AFF1: variants seen among roughly 807,000 people sequenced by gnomAD.
AFF1 encodes ALF transcription elongation factor 1.
A neutral mutation model predicts 121.7 loss-of-function variants in AFF1; 48 were observed. That is an observed-to-expected ratio of 0.39 (90% confidence interval 0.31 to 0.50). The LOEUF (loss-of-function observed/expected upper bound fraction) is 0.50, where lower values mean the gene tolerates loss of function less well. Ranked by LOEUF, AFF1 falls within the 20% of genes least tolerant of loss-of-function variation. The probability of loss-of-function intolerance (pLI) is 0.76; values close to 1 mark genes in which losing one functional copy is unlikely to be tolerated. For missense variants in AFF1, 1,523 were observed against 1,511.7 expected (o/e 1.01, Z -0.12); for synonymous variants, 613 against 563.0 (o/e 1.09, Z -1.26).
chr4:86,953,753 C>T, intron 2 of AFF1, among the ~76,000 whole-genome samples: 1 of 151,156 alleles, frequency 6.6e-6, no homozygotes, highest in Non-Finnish European at 1.5e-5. Flanking sequence ...GAGTTTTGCT[C>T]TTGTCGCCCA....
intron 2 of AFF1, among the ~76,000 whole-genome samples, chr4:86,964,442 T>TTC (rs1211577950): frequency 6.7e-6 from 1 of 149,140 alleles, no homozygotes; most frequent in Admixed American, 6.7e-5. Context: ...CATCTTTTTT[T>TTC]TTTTTTTTTT....
At chr4:87,133,104 G>A (rs557901863) in intron 19 of AFF1, among the ~76,000 whole-genome samples, 10 of 152,284 alleles carry the variant, frequency 6.6e-5, no homozygotes, top group Admixed American at 4.6e-4. Context: ...ATAGCTTCTT[G>A]GCATTTCAGT....
At chr4:86,989,347 C>A (rs1293291569) in intron 2 of AFF1, among the ~76,000 whole-genome samples, 1 of 152,156 alleles carries the variant, frequency 6.6e-6, no homozygotes, top group Non-Finnish European at 1.5e-5. Context: ...AAACAAACAA[C>A]ACCATCCAAA....
At chr4:87,007,715 T>C (rs1187425133) in intron 2 of AFF1, among the ~76,000 whole-genome samples, 2 of 152,206 alleles carry the variant, frequency 1.3e-5, no homozygotes, top group Admixed American at 6.5e-5. Flanking sequence ...TAAGTTGATT[T>C]CACTTGTCCG....
At chr4:86,972,516 G>A (rs997433527) in intron 2 of AFF1, among the ~76,000 whole-genome samples, 4 of 152,044 alleles carry the variant, frequency 2.6e-5, no homozygotes, top group African/African-American at 9.7e-5. Context: ...AGACAGTTTT[G>A]GGTTATAAAT....
At chr4:86,942,215 G>GT (rs1420928506) in intron 1 of AFF1, among the ~76,000 whole-genome samples, 2 of 152,050 alleles carry the variant, frequency 1.3e-5, no homozygotes, top group African/African-American at 4.8e-5. Context: ...AGAAACTTTT[G>GT]TAAGGGTCCA....
chr4:87,029,278 G>A (rs577185142), intron 2 of AFF1, among the ~76,000 whole-genome samples: 7 of 152,234 alleles, frequency 4.6e-5, no homozygotes, highest in African/African-American at 1.7e-4. Context: ...GTGCAGGTGG[G>A]GCATAGAGGT....
intron 2 of AFF1, among the ~76,000 whole-genome samples, chr4:86,997,396 A>G (rs151188351): frequency 2.3e-4 from 35 of 152,334 alleles, no homozygotes; most frequent in African/African-American, 7.7e-4. Context: ...TTTAAAATAA[A>G]TTACCCAGTT....
chr4:87,120,626 A>G (rs994075567), intron 12 of AFF1, among the ~76,000 whole-genome samples: 1 of 152,236 alleles, frequency 6.6e-6, no homozygotes, highest in Non-Finnish European at 1.5e-5. Flanking sequence ...AGGTCGGCGT[A>G]CTGGCTCTGG....
intron 4 of AFF1, among the ~76,000 whole-genome samples, chr4:87,063,226 C>CTTTTTTTTTTTTTTTTTT (rs1190843290): frequency 2.0e-5 from 1 of 49,884 alleles, no homozygotes; most frequent in Admixed American, 2.2e-4. Flanking sequence ...GTAGATTCAC[C>CTTTTTTTTTTTTTTTTTT]TCTTTTTTTT....
At chr4:87,030,651 CTT>C (rs36017297) in intron 2 of AFF1, among the ~76,000 whole-genome samples, 24 of 148,878 alleles carry the variant, frequency 1.6e-4, no homozygotes, top group South Asian at 2.1e-4. Context: ...TTACACTGAG[CTT>C]TTTTTTTTTT....
At chr4:87,066,588 CAAAACAAAAACA>C (rs151284940) in intron 4 of AFF1, among the ~76,000 whole-genome samples, 26,543 of 151,788 alleles carry the variant, frequency 0.17, 2,911 homozygotes, top group East Asian at 0.39. Flanking sequence ...GACCCTGTCT[CAAAACAAAAACA>C]AAAACAAAAA....
At chr4:87,046,325 C>T in intron 3 of AFF1, 39 bp downstream of exon 3, 1 of 1,601,990 alleles carries the variant, frequency 6.2e-7, no homozygotes, top group Non-Finnish European at 8.5e-7. Flanking sequence ...CCTGATTTAT[C>T]ACAATGTTGA....
rs34072831 is a variant in AFF1, at chr4:87,001,207, C to CTTTTTTT, written c.39-44938_39-44932dup. On this transcript the variant is annotated intron_variant, in intron 2 of 20. Transcript: ENST00000395146. ...TGAGAGGACTGCTTTCCTTTTTCTA[C>CTTTTTTT]TTTTTTTTTTTTTTTTTTTTTTTTT... is the stretch of plus-strand genomic sequence containing the variant. 7.0e-3 allele frequency among the ~76,000 whole-genome samples: 422 copies of CTTTTTTT among 60,312 alleles called. 113 individuals carry two copies. The highest frequency in any genetic ancestry group is 0.062 in the Middle Eastern group (3 of 48). 39.6% of individuals were successfully genotyped at this position (60,312 alleles called of 152,430 possible). A position where few individuals can be genotyped will look rare whatever the true frequency, so the allele number is the denominator to read the frequency against.
At chr4:86,939,730 GCAGTAGTTCT>G (rs1720317332) in intron 1 of AFF1, among the ~76,000 whole-genome samples, 1 of 152,210 alleles carries the variant, frequency 6.6e-6, no homozygotes, top group South Asian at 2.1e-4. Flanking sequence ...GTGCAGCCTG[GCAGTAGTTCT>G]CAGACCTATA....
chr4:86,949,135 T>C (rs1228387884), intron 2 of AFF1, among the ~76,000 whole-genome samples: 1 of 151,476 alleles, frequency 6.6e-6, no homozygotes, highest in Non-Finnish European at 1.5e-5. Flanking sequence ...CACTGATTAG[T>C]TTTTATTTAA....
At chr4:87,115,412 T>C in intron 12 of AFF1, 113 bp downstream of exon 12, 1 of 1,131,810 alleles carries the variant, frequency 8.8e-7, no homozygotes, top group Non-Finnish European at 1.2e-6. Flanking sequence ...CACAAGTCTT[T>C]GCTTTGATTC....
At chr4:87,053,065 T>C (rs372186042) in intron 4 of AFF1, among the ~76,000 whole-genome samples, 10 of 152,320 alleles carry the variant, frequency 6.6e-5, no homozygotes, top group East Asian at 3.9e-4. Flanking sequence ...AACAGGAGTC[T>C]AACTCTGGGA....
rs1721364296 is a variant in AFF1, at chr4:86,951,805, C to CG, written c.38+3237dup. Among the ~76,000 whole-genome samples, 3 of 151,450 alleles carry CG rather than the reference C, an allele frequency of 2.0e-5. No homozygotes were observed. The South Asian group carries it at 6.3e-4, about 32-fold the overall frequency. ...CTAATTTTTGTATTTTTAGTAGAGA[C>CG]GGGTTTCACCATGTTGGCCAGGATG... On this transcript the variant is annotated intron_variant, in intron 2 of 20. Coordinates refer to ENST00000395146, the MANE Select transcript of AFF1 (RefSeq NM_001166693.3).
Sources: allele counts gnomAD v4.1 joint callset (sites outside exome capture counted in the v4.1 genomes callset), GRCh38; gene constraint gnomAD v4.1.1; transcripts MANE v1.5; gene names NCBI Gene and HGNC (gene_info 2026-07-23, HGNC 2026-07-21).